NSG2: variants seen among roughly 807,000 people sequenced by gnomAD.
NSG2 encodes neuronal vesicle trafficking-associated protein 2.
In NSG2, 4 loss-of-function variants were observed where a neutral mutation model predicts 16.9. The ratio of observed to expected loss-of-function variants is 0.24; its 90% CI spans 0.12 to 0.54. The LOEUF (loss-of-function observed/expected upper bound fraction) is 0.54, where lower values mean the gene tolerates loss of function less well. NSG2 is among the 20% of genes least tolerant of loss of function. The pLI is 0.95. For synonymous variants in NSG2, 98 were observed against 88.7 expected, an observed-to-expected ratio of 1.11 and a Z score of -0.59; for missense variants, 179 against 221.1, an observed-to-expected ratio of 0.81 and a Z score of 1.21.
intron 2 of NSG2, among the ~76,000 whole-genome samples, chr5:174,048,342 A>G (rs1007959904): frequency 2.0e-4 from 30 of 152,212 alleles, no homozygotes; most frequent in African/African-American, 6.8e-4. Flanking sequence ...CCAGGCATTA[A>G]TATGAATGAA....
rs1416642210 is a variant in NSG2, at chr5:174,107,755, T to A, written c.*250T>A. The A allele has an allele frequency of 1.5e-6, 1 of 672,888 alleles. No homozygotes were observed. The highest frequency in any genetic ancestry group is 2.7e-6 in the Non-Finnish European group (1 of 365,832). 41.7% of individuals were successfully genotyped at this position (672,888 alleles called of 1,614,324 possible). A position where few individuals can be genotyped will look rare whatever the true frequency, so the allele number is the denominator to read the frequency against. ...CTCATGTACAAAGGCATGTTTCGTG[T>A]TGATTGTTCCCATGTAAGATATTTT... On this transcript the variant is annotated 3_prime_UTR_variant, in exon 5 of 5. Transcript: ENST00000303177. This position sits in a 1 kb window ranked among gnomAD's most constrained non-coding sequence, Gnocchi z 4.5.
At position 174,107,433 on chromosome 5, in the gene NSG2, G is replaced by A. The variant is rs765930198; in HGVS notation, c.444G>A (p.Arg148=). 3.7e-6 allele frequency: 6 copies of A among 1,612,776 alleles called. No homozygotes were observed. Among genetic ancestry groups the A allele is most frequent in the East Asian group, 2.2e-5 (1 of 44,846 alleles). Residue 148 remains arginine, a synonymous_variant, in exon 5 of 5, where the codon CGG becomes CGA. Transcript: ENST00000303177. This position sits in a 1 kb window ranked among gnomAD's most constrained non-coding sequence, Gnocchi z 4.5. The stretch of plus-strand genomic sequence containing the variant: ...GCGTGGCCAAGCAGAGCACTGCCCG[G>A]GCCATCGGGCCGTGGCTGTCAGCAG... ...HYSVAKQSTA[R]AIGPWLSAAA...
chr5:174,051,647 A>G (rs1337592358), intron 2 of NSG2, among the ~76,000 whole-genome samples: 1 of 152,202 alleles, frequency 6.6e-6, no homozygotes, highest in African/African-American at 2.4e-5. Context: ...GCTAGGCCAT[A>G]GGTACACAGC....
intron 4 of NSG2, among the ~76,000 whole-genome samples, chr5:174,104,973 C>A (rs1373615171): frequency 6.6e-6 from 1 of 152,140 alleles, no homozygotes; most frequent in African/African-American, 2.4e-5. Context: ...AATGAACTCT[C>A]AACAAATGTT....
intron 3 of NSG2, among the ~76,000 whole-genome samples, chr5:174,081,279 CCTGT>C (rs1760460759): frequency 6.6e-6 from 1 of 152,060 alleles, no homozygotes; most frequent in Non-Finnish European, 1.5e-5. Context: ...ATGTCATTTT[CCTGT>C]CTAATTGCAG....
chr5:174,106,583 CTTTTTTTTTTTTTTTT>C (rs752375646), intron 4 of NSG2, among the ~76,000 whole-genome samples: 15,985 of 93,962 alleles, frequency 0.17, 1,514 homozygotes, highest in African/African-American at 0.32. Context: ...GGAATGAAGC[CTTTTTTTTTTTTTTTT>C]TTTTTTTTTT....
chr5:174,064,228 TC>T lies in NSG2; in HGVS notation c.130-3del. On this transcript the variant is annotated splice_region_variant and splice_polypyrimidine_tract_variant and intron_variant, in intron 2 of 4. Transcript: ENST00000303177. ...CATGCTAACACACTGGTTGACTCTT[TC>T]AGGTGATTGTGAAGACAAGAACGGA... 2 of 1,604,512 alleles carry T rather than the reference TC, an allele frequency of 1.2e-6. No homozygotes were observed. The highest frequency in any genetic ancestry group is 1.7e-6 in the Non-Finnish European group (2 of 1,173,694).
chr5:174,078,781 C>T (rs1760391375), intron 3 of NSG2, among the ~76,000 whole-genome samples: 1 of 152,184 alleles, frequency 6.6e-6, no homozygotes, highest in African/African-American at 2.4e-5. Flanking sequence ...ATAGAAGGCA[C>T]CATCTATGAA....
intron 3 of NSG2, among the ~76,000 whole-genome samples, chr5:174,090,782 A>G (rs1182013558): frequency 1.3e-5 from 2 of 152,248 alleles, no homozygotes; most frequent in Non-Finnish European, 2.9e-5. Context: ...GCACGGGGGC[A>G]GAAATGCCGT....
At chr5:174,069,405 C>A (rs1053386320) in intron 3 of NSG2, among the ~76,000 whole-genome samples, 2 of 152,126 alleles carry the variant, frequency 1.3e-5, no homozygotes, top group African/African-American at 2.4e-5. Context: ...GTCATTGGTG[C>A]TAAGCTGTGG....
intron 3 of NSG2, among the ~76,000 whole-genome samples, chr5:174,087,336 T>G (rs571486709): frequency 6.6e-6 from 1 of 152,308 alleles, no homozygotes; most frequent in South Asian, 2.1e-4. Context: ...GCCTTTATGG[T>G]CACACCTGAA....
At chr5:174,095,228 C>T (rs151271612) in intron 3 of NSG2, among the ~76,000 whole-genome samples, 29 of 152,250 alleles carry the variant, frequency 1.9e-4, no homozygotes, top group Admixed American at 5.2e-4. Flanking sequence ...ATTTGTAGCA[C>T]GTATACCAGG....
chr5:174,104,163 A>G (rs1760942183), intron 3 of NSG2, 65 bp from the exon 4 acceptor site: 2 of 1,148,220 alleles, frequency 1.7e-6, no homozygotes, highest in African/African-American at 3.0e-5. Flanking sequence ...AGGCTCTGAA[A>G]GCTGCATACG....
intron 3 of NSG2, among the ~76,000 whole-genome samples, chr5:174,097,643 TTC>T (rs376035919): frequency 0.029 from 4,215 of 144,618 alleles, 195 homozygotes; most frequent in African/African-American, 0.1. Context: ...GTGTGTGTGT[TTC>T]TCTCTCAGTG....
chr5:174,094,906 G>A (rs1382517049), intron 3 of NSG2, among the ~76,000 whole-genome samples: 2 of 152,204 alleles, frequency 1.3e-5, no homozygotes, highest in Non-Finnish European at 2.9e-5. Context: ...GTCATGAGTT[G>A]GAAGTTGGGA....
intron 3 of NSG2, among the ~76,000 whole-genome samples, chr5:174,069,239 A>C (rs970098298): frequency 6.6e-6 from 1 of 151,700 alleles, no homozygotes. Context: ...GGTGCTCTAA[A>C]GGTTACTGGT....
Position 174,078,544 on chromosome 5 carries a change from A to T in NSG2, c.213+14229A>T, listed in dbSNP as rs532791881. Among the ~76,000 whole-genome samples the T allele has an allele frequency of 3.0e-4, 46 of 152,346 alleles. No individual in the cohort carries two copies. In the East Asian group the frequency reaches 7.7e-3, roughly 26 times the overall value. ...CTGCTGCTGAAATCAAGCTGCAGTG[A>T]ACCTCCTTCCAGTGAACTACATGCA... On this transcript the variant is annotated intron_variant, in intron 3 of 4. Coordinates refer to ENST00000303177, the MANE Select transcript of NSG2 (RefSeq NM_015980.5).
chr5:174,058,882 G>A (rs1242234941), intron 2 of NSG2, among the ~76,000 whole-genome samples: 5 of 152,232 alleles, frequency 3.3e-5, no homozygotes, highest in Non-Finnish European at 7.3e-5. Flanking sequence ...AAAGAAAACA[G>A]CAGATGACTG....
chr5:174,090,239 G>GA (rs1760700805), intron 3 of NSG2, among the ~76,000 whole-genome samples: 1 of 151,966 alleles, frequency 6.6e-6, no homozygotes, highest in Non-Finnish European at 1.5e-5. Context: ...CAAAAGAAAA[G>GA]AAAAAAAGAG....
Sources: allele counts gnomAD v4.1 joint callset (sites outside exome capture counted in the v4.1 genomes callset), GRCh38; gene constraint gnomAD v4.1.1; non-coding constraint Gnocchi (gnomAD v3.1); transcripts MANE v1.5; gene names NCBI Gene and HGNC (gene_info 2026-07-23, HGNC 2026-07-21).